NIPA1: variants seen among roughly 807,000 people sequenced by gnomAD.
NIPA1 encodes NIPA magnesium transporter 1, also known as magnesium transporter NIPA1.
In NIPA1, 13 loss-of-function variants were observed where a neutral mutation model predicts 23.9. The observed-to-expected ratio is 0.54, with a 90% CI of 0.35 to 0.87. NIPA1 has a LOEUF of 0.87. Ranked by LOEUF, NIPA1 falls within the 40% of genes least tolerant of loss-of-function variation. The pLI, the probability that NIPA1 is intolerant of heterozygous loss-of-function variation, is 0.01. For synonymous variants in NIPA1, 234 were observed against 202.9 expected (o/e 1.15, Z -1.30); for missense variants, 362 against 429.7 (o/e 0.84, Z 1.39).
chr15:22,823,786 C>T lies in NIPA1; in HGVS notation c.537C>T (p.Ile179=), dbSNP rs547634456. ...TGCTGCTGCTGCTCATCTTCTGGAT[C>T]GCGCCGGCCCATGGGCCCACCAACA... is the stretch of plus-strand genomic sequence containing the variant. ...LLMLLLLIFW[I]APAHGPTNIM... The change falls in exon 5 of 5, where the codon ATC becomes ATT. Residue 179 remains isoleucine, a synonymous_variant. Transcript: ENST00000337435. The T allele has an allele frequency of 6.2e-4, 1,008 of 1,613,516 alleles. 24 individuals carry two copies. The South Asian group carries it at 9.0e-3, about 14-fold the overall frequency.
Position 22,824,547 on chromosome 15 carries a change from T to A in NIPA1, c.*308T>A. The A allele has an allele frequency of 5.5e-6, 2 of 361,972 alleles. No individual in the cohort carries two copies. The highest frequency in any genetic ancestry group is 6.2e-5 in the East Asian group (1 of 16,058). 22.4% of individuals were successfully genotyped at this position (361,972 alleles called of 1,614,324 possible). On this transcript the variant is annotated 3_prime_UTR_variant, in exon 5 of 5. Coordinates refer to ENST00000337435, the MANE Select transcript of NIPA1 (RefSeq NM_144599.5). The surrounding 1 kb of genome is among the most constrained non-coding windows in gnomAD (Gnocchi z 4.1). ...CTTCTTTTAAAACATTTTAACATTA[T>A]TTAAACAGAAAAAGATGGGCTCTTT...
chr15:22,788,461 C>T (rs1219474005), intron 1 of NIPA1, among the ~76,000 whole-genome samples: 1 of 141,654 alleles, frequency 7.1e-6, no homozygotes, highest in East Asian at 2.1e-4. Flanking sequence ...GGATCCGCCA[C>T]TGCACTCAGC....
chr15:22,805,668 AGAGT>A (rs1180032048), intron 1 of NIPA1, among the ~76,000 whole-genome samples: 1 of 152,174 alleles, frequency 6.6e-6, no homozygotes, highest in East Asian at 1.9e-4. Flanking sequence ...CCTGGGCAAG[AGAGT>A]GAGACTCTGT....
intron 3 of NIPA1, among the ~76,000 whole-genome samples, chr15:22,817,796 CTG>C (rs1439353333): frequency 7.6e-6 from 1 of 131,750 alleles, no homozygotes; most frequent in African/African-American, 2.6e-5. Flanking sequence ...CAGAGCGAGA[CTG>C]TGTCTCAAAG....
chr15:22,824,368 G>A lies in NIPA1; in HGVS notation c.*129G>A. On this transcript the variant is annotated 3_prime_UTR_variant, in exon 5 of 5. Transcript: ENST00000337435. This position sits in a 1 kb window ranked among gnomAD's most constrained non-coding sequence, Gnocchi z 4.1. ...TGACTGGATAGTAACAGGTGGTCTG[G>A]TGGATAGCGGGGAGCATGGCTCAGC... The A allele has an allele frequency of 2.3e-6, 2 of 874,708 alleles. No homozygotes were observed. The highest frequency in any genetic ancestry group is 3.8e-6 in the Non-Finnish European group (2 of 530,800). The allele number at this position is 874,708 out of a possible 1,614,324, so 54.2% of individuals were successfully genotyped here.
chr15:22,805,993 G>A (rs906774802), intron 1 of NIPA1, among the ~76,000 whole-genome samples: 3 of 151,838 alleles, frequency 2.0e-5, no homozygotes, highest in African/African-American at 4.8e-5. Flanking sequence ...GCGCGATCTC[G>A]GCTCACTGCA....
At chr15:22,788,925 A>AAAAAT (rs1894770547) in intron 1 of NIPA1, among the ~76,000 whole-genome samples, 1 of 150,888 alleles carries the variant, frequency 6.6e-6, no homozygotes, top group Admixed American at 6.6e-5. Context: ...GTCTTAAAAA[A>AAAAAT]AAAAAAAAAA....
Position 22,810,814 on chromosome 15 carries a change from C to T in NIPA1, c.226+18C>T, listed in dbSNP as rs371061586. 8.8e-6 allele frequency: 14 copies of T among 1,593,096 alleles called. No individual in the cohort carries two copies. Among genetic ancestry groups the T allele is most frequent in the African/African-American group, 1.3e-5 (1 of 74,568 alleles). On this transcript the variant is annotated intron_variant, in intron 2 of 4. Coordinates refer to ENST00000337435, the MANE Select transcript of NIPA1 (RefSeq NM_144599.5). ...AATCGCAAGTAAGTAGCCTGTGTGG[C>T]GAAGTCTGGTCTTTTCCTTTCTTAG... is the stretch of plus-strand genomic sequence containing the variant.
rs538837872 is a variant in NIPA1 at position 22,824,452 on chromosome 15, C to T, written c.*213C>T. On this transcript the variant is annotated 3_prime_UTR_variant, in exon 5 of 5. Transcript: ENST00000337435. The surrounding 1 kb of genome is among the most constrained non-coding windows in gnomAD (Gnocchi z 4.1). ...CCAAACGTCCCCAACGGTTGCCTGGCACCATCTCTCTCTGATGAGACGAAT... is the reference window on the plus strand; with the variant it reads ...CCAAACGTCCCCAACGGTTGCCTGGTACCATCTCTCTCTGATGAGACGAAT... 4 of 585,232 alleles carry T rather than the reference C, an allele frequency of 6.8e-6. No homozygotes were observed. In the Admixed American group the frequency reaches 1.2e-4, roughly 17 times the overall value. 36.3% of individuals were successfully genotyped at this position (585,232 alleles called of 1,614,324 possible). A position where few individuals can be genotyped will look rare whatever the true frequency, so the allele number is the denominator to read the frequency against.
chr15:22,788,540 T>C (rs1411058395), intron 1 of NIPA1, among the ~76,000 whole-genome samples: 3 of 147,974 alleles, frequency 2.0e-5, no homozygotes, highest in Non-Finnish European at 4.5e-5. Context: ...TGACCAGTCC[T>C]CTGTGAAGGT....
At chr15:22,787,664 C>A (rs1373585619) in intron 1 of NIPA1, among the ~76,000 whole-genome samples, 2 of 152,156 alleles carry the variant, frequency 1.3e-5, no homozygotes, top group Non-Finnish European at 2.9e-5. Context: ...GTGAAACAGT[C>A]CGTTTCCATT....
intron 3 of NIPA1, among the ~76,000 whole-genome samples, chr15:22,812,478 C>G (rs1416950717): frequency 6.6e-6 from 1 of 151,944 alleles, no homozygotes; most frequent in African/African-American, 2.4e-5. Context: ...ATGGTGAAAC[C>G]CTGTCTCTAC....
chr15:22,802,903 GT>G, intron 1 of NIPA1, among the ~76,000 whole-genome samples: 1 of 152,058 alleles, frequency 6.6e-6, no homozygotes, highest in Non-Finnish European at 1.5e-5. Context: ...GAGTAGTGTT[GT>G]GTTGTTTGAG....
At chr15:22,802,819 C>T (rs535131651) in intron 1 of NIPA1, among the ~76,000 whole-genome samples, 7 of 146,130 alleles carry the variant, frequency 4.8e-5, no homozygotes, top group Non-Finnish European at 8.8e-5. Flanking sequence ...TATTCTCTTA[C>T]GTCTGCTTTT....
At chr15:22,802,378 T>G (rs1258086729) in intron 1 of NIPA1, among the ~76,000 whole-genome samples, 5 of 119,806 alleles carry the variant, frequency 4.2e-5, no homozygotes, top group South Asian at 2.8e-4. Context: ...GGCGACAGAG[T>G]GAGACTCTGT....
At chr15:22,786,580 C>T, upstream of NIPA1, 2 of 443,064 alleles carry the variant, frequency 4.5e-6, no homozygotes, top group African/African-American at 2.1e-5. Context: ...CCCCCGCCCG[C>T]GCCTCCCGGT....
At chr15:22,803,782 C>T (rs1347811948) in intron 1 of NIPA1, among the ~76,000 whole-genome samples, 2 of 147,752 alleles carry the variant, frequency 1.4e-5, no homozygotes, top group African/African-American at 5.0e-5. Context: ...CAAGTTCATG[C>T]CATTCTCCTG....
At chr15:22,793,354 T>G (rs1894871347) in intron 1 of NIPA1, among the ~76,000 whole-genome samples, 1 of 32,076 alleles carries the variant, frequency 3.1e-5, no homozygotes, top group Non-Finnish European at 7.0e-5. Flanking sequence ...TGAGACTGTG[T>G]CTCAAAAAAA....
At chr15:22,788,342 A>T (rs1894756085) in intron 1 of NIPA1, among the ~76,000 whole-genome samples, 1 of 151,976 alleles carries the variant, frequency 6.6e-6, no homozygotes, top group Non-Finnish European at 1.5e-5. Flanking sequence ...TCTACTAAAA[A>T]TACAAAAAAT....
Sources: gnomAD v4.1 joint callset for allele counts (sites outside exome capture counted in the v4.1 genomes callset) on GRCh38, gnomAD v4.1.1 for gene constraint, Gnocchi (gnomAD v3.1) non-coding constraint, MANE v1.5 for transcripts, NCBI Gene and HGNC (gene_info 2026-07-23, HGNC 2026-07-21) for gene names.